The following SEC23B variants were observed in gnomAD, a reference collection of about 807,000 sequenced individuals.
SEC23B encodes the protein protein transport protein Sec23B.
Under a neutral mutation model 104.3 loss-of-function variants are expected in SEC23B, and 77 were observed. The ratio of observed to expected loss-of-function variants is 0.74; its 90% confidence interval spans 0.61 to 0.89. The LOEUF is 0.89. SEC23B is among the 40% of genes least tolerant of loss of function. The pLI, the probability that SEC23B is intolerant of heterozygous loss-of-function variation, is 0.00. For synonymous variants in SEC23B, 338 were observed against 332.5 expected, an observed-to-expected ratio of 1.02 and a Z score of -0.18; for missense variants, 885 against 949.4, an observed-to-expected ratio of 0.93 and a Z score of 0.89.
At chr20:18,508,396 C>A (rs115717877) in intron 1 of SEC23B, 6 of 152,284 alleles carry the variant, frequency 3.9e-5, no homozygotes, top group Non-Finnish European at 7.3e-5. Flanking sequence ...AAGGGTGGTT[C>A]AGATTTTTTG....
chr20:18,542,014 T>C (rs148739810), intron 12 of SEC23B, among the ~76,000 whole-genome samples: 1,663 of 152,346 alleles, frequency 0.011, 36 homozygotes, highest in African/African-American at 0.038. Context: ...ATCTTCGTTT[T>C]GCTGCATTTC....
chr20:18,555,378 T>C (rs974642375), intron 19 of SEC23B, among the ~76,000 whole-genome samples: 2 of 151,904 alleles, frequency 1.3e-5, no homozygotes, highest in African/African-American at 4.8e-5. Context: ...GTGTGTCCCC[T>C]TCCACAATAT....
rs527588954 is a variant in SEC23B, at chr20:18,522,853, C to T, written c.367-1580C>T. ...CGGGGGGATCACAAAGTCAGGAGAT[C>T]GAAACCATCCTGGCTAACACAGTGA... On this transcript the variant is annotated intron_variant, in intron 4 of 19. Transcript: ENST00000650089. 1.1e-4 allele frequency among the ~76,000 whole-genome samples: 17 copies of T among 151,828 alleles called. 1 individual carries two copies. In the South Asian group the frequency reaches 3.3e-3, roughly 30 times the overall value.
chr20:18,534,957 A>G (rs1034059454), intron 11 of SEC23B, among the ~76,000 whole-genome samples: 2 of 152,142 alleles, frequency 1.3e-5, no homozygotes, highest in Non-Finnish European at 2.9e-5. Context: ...CTTCCAGCAG[A>G]TAATAAACAC....
rs368103510 is a variant in SEC23B, at chr20:18,560,780, T to C, written c.*40T>C. The C allele has an allele frequency of 1.4e-4, 196 of 1,433,554 alleles. No individual in the cohort carries two copies. The highest frequency in any genetic ancestry group is 1.9e-4 in the Non-Finnish European group (192 of 1,015,352). 88.8% of individuals were successfully genotyped at this position (1,433,554 alleles called of 1,614,324 possible). ...CAGGAAATGCAACGGTGTCAGATTG[T>C]GTTCAAAATGTCTAGAAAGGCTTGA... On this transcript the variant is annotated 3_prime_UTR_variant, in exon 20 of 20. Coordinates refer to ENST00000650089, the MANE Select transcript of SEC23B (RefSeq NM_006363.6).
rs761368308 is a variant in SEC23B, at chr20:18,522,636, G to A, written c.367-1797G>A. On this transcript the variant is annotated intron_variant, in intron 4 of 19. Coordinates refer to ENST00000650089, the MANE Select transcript of SEC23B (RefSeq NM_006363.6). The stretch of plus-strand genomic sequence containing the variant: ...AGGAGTCCCTCTGACCCGGGTCTTC[G>A]GCACCAAATATCTCACGTGTCCGTG... Among the ~76,000 whole-genome samples, 10 of 152,216 alleles carry A rather than the reference G, an allele frequency of 6.6e-5. No individual in the cohort carries two copies. The South Asian group carries it at 1.0e-3, about 16-fold the overall frequency.
At chr20:18,548,542 C>T in intron 15 of SEC23B, 67 bp from the exon 16 acceptor site, 2 of 1,501,166 alleles carry the variant, frequency 1.3e-6, no homozygotes, top group East Asian at 4.5e-5. Flanking sequence ...TGAGGTAGAT[C>T]TACTCTGTGG....
chr20:18,511,502 G>A (rs1267325816), intron 2 of SEC23B, among the ~76,000 whole-genome samples: 2 of 70,116 alleles, frequency 2.9e-5, no homozygotes, highest in Non-Finnish European at 7.3e-5. Flanking sequence ...TTTGTTAAGT[G>A]TAATTTTTTT....
rs755167227 is a variant in SEC23B at position 18,510,950 on chromosome 20, G to A, written c.115G>A (p.Ala39Thr). ...GGCTACAAGAATGGTTGTACCCCTG[G>A]CTTGTCTCCTTACTCCTTTGAAAGA... ...LEATRMVVPL[A>T]CLLTPLKERP... The change falls in exon 2 of 20, where the codon GCT becomes ACT. Residue 39 changes from alanine (A) to threonine (T), a missense_variant. Ala to Thr is a moderately conservative substitution (Grantham distance 58). Coordinates refer to ENST00000650089, the MANE Select transcript of SEC23B (RefSeq NM_006363.6). The A allele has an allele frequency of 6.2e-7, 1 of 1,614,120 alleles. No homozygotes were observed. Among genetic ancestry groups the A allele is most frequent in the Non-Finnish European group, 8.5e-7 (1 of 1,180,004 alleles).
In SEC23B at chr20:18,535,645, A is replaced by G; in HGVS notation, c.1315-8A>G. On this transcript the variant is annotated splice_region_variant and splice_polypyrimidine_tract_variant and intron_variant, in intron 11 of 19. Transcript: ENST00000650089. ...TTTTGTTTTTCAAATTCCTCTTCCC[A>G]CCCCCAGGAGCTTGGTGTTGGTGGC... is the stretch of plus-strand genomic sequence containing the variant. The G allele has an allele frequency of 6.2e-7, 1 of 1,613,184 alleles. No homozygotes were observed. Among genetic ancestry groups the G allele is most frequent in the Non-Finnish European group, 8.5e-7 (1 of 1,179,324 alleles).
intron 19 of SEC23B, among the ~76,000 whole-genome samples, chr20:18,555,449 G>T (rs1389273962): frequency 6.6e-6 from 1 of 151,774 alleles, no homozygotes; most frequent in Admixed American, 6.6e-5. Context: ...CCTCCATGGT[G>T]GTGTCCTCCG....
intron 17 of SEC23B, among the ~76,000 whole-genome samples, chr20:18,553,237 C>A (rs1201160110): frequency 6.6e-6 from 1 of 152,202 alleles, no homozygotes; most frequent in Non-Finnish European, 1.5e-5. Context: ...ACTTCTGGAC[C>A]CTGGTGAGCT....
chr20:18,527,488 C>T lies in SEC23B; in HGVS notation c.994-8C>T. The stretch of plus-strand genomic sequence containing the variant: ...TGTTTCCTAAAGATAGCTTTCCTCT[C>T]TTCACAGCACTATGAGATGCTTGCT... On this transcript the variant is annotated splice_polypyrimidine_tract_variant and splice_region_variant and intron_variant, in intron 8 of 19. Coordinates refer to ENST00000650089, the MANE Select transcript of SEC23B (RefSeq NM_006363.6). 2 of 1,530,150 alleles carry T rather than the reference C, an allele frequency of 1.3e-6. No individual in the cohort carries two copies. Among genetic ancestry groups the T allele is most frequent in the Non-Finnish European group, 1.8e-6 (2 of 1,103,284 alleles). The allele number at this position is 1,530,150 out of a possible 1,614,324, so 94.8% of individuals were successfully genotyped here. A position where few individuals can be genotyped will look rare whatever the true frequency, so the allele number is the denominator to read the frequency against.
intron 9 of SEC23B, 89 bp downstream of exon 9, chr20:18,527,700 C>G: frequency 1.1e-6 from 1 of 883,370 alleles, no homozygotes; most frequent in Non-Finnish European, 1.9e-6. Flanking sequence ...TGGGCAAGGC[C>G]AACTCAGAGA....
chr20:18,517,389 A>G (rs2060039367), intron 4 of SEC23B, among the ~76,000 whole-genome samples: 1 of 152,198 alleles, frequency 6.6e-6, no homozygotes, highest in South Asian at 2.1e-4. Context: ...TACAAAGTAC[A>G]TTGATCAGTT....
intron 4 of SEC23B, among the ~76,000 whole-genome samples, chr20:18,522,862 C>A (rs1174249012): frequency 6.6e-6 from 1 of 151,756 alleles, no homozygotes; most frequent in Admixed American, 6.6e-5. Flanking sequence ...TCGAAACCAT[C>A]CTGGCTAACA....
chr20:18,552,883 G>A (rs2060401885), intron 17 of SEC23B, among the ~76,000 whole-genome samples: 1 of 152,160 alleles, frequency 6.6e-6, no homozygotes, highest in African/African-American at 2.4e-5. Context: ...GATATTATAA[G>A]TAATCTAAAG....
intron 4 of SEC23B, among the ~76,000 whole-genome samples, chr20:18,521,494 A>C (rs2060083386): frequency 6.6e-6 from 1 of 152,220 alleles, no homozygotes; most frequent in South Asian, 2.1e-4. Context: ...GATAAAGAAA[A>C]AAGGAGCATT....
Position 18,532,647 on chromosome 20 carries a change from TCA to T in SEC23B, c.1234-14_1234-13del, listed in dbSNP as rs765849514. The T allele has an allele frequency of 5.7e-6, 9 of 1,583,042 alleles. 1 individual carries two copies. In the Admixed American group the frequency reaches 1.3e-4, roughly 23 times the overall value. ...TGAAGTGATCTTTAACTTTACACTG[TCA>T]CATATTTGTTATAGACCTCTCGGGA... On this transcript the variant is annotated splice_polypyrimidine_tract_variant and intron_variant, in intron 10 of 19. Transcript: ENST00000650089.
Sources: gnomAD v4.1 joint callset for allele counts (sites outside exome capture counted in the v4.1 genomes callset) on GRCh38, gnomAD v4.1.1 for gene constraint, MANE v1.5 for transcripts, NCBI Gene and HGNC (gene_info 2026-07-23, HGNC 2026-07-21) for gene names.